PACRG: variants seen among roughly 807,000 people sequenced by gnomAD.
The protein encoded by PACRG is parkin coregulated.
Under a neutral mutation model 29.7 loss-of-function variants are expected in PACRG, and 29 were observed. The ratio of observed to expected loss-of-function variants is 0.98; its 90% CI spans 0.73 to 1.33. The LOEUF is 1.33. PACRG is among the 40% of genes most tolerant of loss of function. The pLI is 0.00. For missense variants in PACRG, 279 were observed against 316.2 expected (o/e 0.88, Z 0.89); for synonymous variants, 116 against 118.7 (o/e 0.98, Z 0.15).
At chr6:162,911,819 C>T (rs9458668) in intron 2 of PACRG, among the ~76,000 whole-genome samples, 29,376 of 152,102 alleles carry the variant, frequency 0.19, 2,989 homozygotes, top group Non-Finnish European at 0.23. Flanking sequence ...GAGCTTTGGA[C>T]ACTGCTAGGC....
chr6:162,847,628 A>G (rs906001408), intron 2 of PACRG, among the ~76,000 whole-genome samples: 1 of 151,744 alleles, frequency 6.6e-6, no homozygotes, highest in African/African-American at 2.4e-5. Flanking sequence ...GTGGTCCCCA[A>G]GGTAAAAAGG....
At chr6:163,247,888 G>T (rs1287717479) in intron 4 of PACRG, among the ~76,000 whole-genome samples, 2 of 152,114 alleles carry the variant, frequency 1.3e-5, no homozygotes, top group African/African-American at 4.8e-5. Flanking sequence ...CTGTGAAGTT[G>T]GTTTTTATTC....
intron 2 of PACRG, among the ~76,000 whole-genome samples, chr6:162,951,332 T>C (rs144415146): frequency 2.0e-5 from 3 of 152,358 alleles, no homozygotes; most frequent in Non-Finnish European, 2.9e-5. Context: ...AGCTGAGCTA[T>C]GACTGATCAA....
chr6:163,048,510 T>C (rs1312569404), intron 2 of PACRG, among the ~76,000 whole-genome samples: 1 of 152,178 alleles, frequency 6.6e-6, no homozygotes, highest in Admixed American at 6.5e-5. Flanking sequence ...GATTGAACTC[T>C]ATGGTTTCAG....
chr6:162,867,120 G>A (rs554684614), intron 2 of PACRG, among the ~76,000 whole-genome samples: 3 of 152,204 alleles, frequency 2.0e-5, no homozygotes, highest in Non-Finnish European at 2.9e-5. Flanking sequence ...AGTTACCTTT[G>A]CCAGCGGCTC....
chr6:163,012,822 G>T (rs983244239), intron 2 of PACRG, among the ~76,000 whole-genome samples: 2 of 152,178 alleles, frequency 1.3e-5, no homozygotes, highest in African/African-American at 4.8e-5. Context: ...GCACCCTTTT[G>T]AACGCACAAC....
At chr6:162,942,756 A>G (rs186475853) in intron 2 of PACRG, among the ~76,000 whole-genome samples, 1 of 152,286 alleles carries the variant, frequency 6.6e-6, no homozygotes, top group African/African-American at 2.4e-5. Context: ...ATGACTTGTA[A>G]TATTTGATTG....
intron 2 of PACRG, among the ~76,000 whole-genome samples, chr6:162,877,098 G>T (rs528846861): frequency 6.6e-6 from 1 of 152,182 alleles, no homozygotes; most frequent in Admixed American, 6.5e-5. Context: ...ATATACACAA[G>T]AATTATAAAT....
intron 2 of PACRG, among the ~76,000 whole-genome samples, chr6:162,986,985 C>T (rs1802958724): frequency 6.6e-6 from 1 of 151,754 alleles, no homozygotes; most frequent in African/African-American, 2.4e-5. Context: ...CTTTGAGTAG[C>T]TTAATAATAA....
At chr6:163,076,347 C>T (rs74915112) in intron 3 of PACRG, among the ~76,000 whole-genome samples, 1 of 152,068 alleles carries the variant, frequency 6.6e-6, no homozygotes, top group Non-Finnish European at 1.5e-5. Flanking sequence ...CAGTTTACAC[C>T]CTCTGCGAGG....
At chr6:163,110,276 A>G (rs979375444) in intron 4 of PACRG, among the ~76,000 whole-genome samples, 2 of 152,196 alleles carry the variant, frequency 1.3e-5, no homozygotes, top group East Asian at 1.9e-4. Flanking sequence ...TCTGACACAC[A>G]TGCCATAGAA....
chr6:163,053,100 A>G (rs755872151), intron 2 of PACRG, among the ~76,000 whole-genome samples: 5 of 152,128 alleles, frequency 3.3e-5, no homozygotes, highest in Non-Finnish European at 7.4e-5. Context: ...AGATTCCTAA[A>G]TTTGAAAACT....
At chr6:162,819,587 G>T (rs1411891787) in intron 2 of PACRG, among the ~76,000 whole-genome samples, 3 of 152,126 alleles carry the variant, frequency 2.0e-5, no homozygotes, top group African/African-American at 7.2e-5. Flanking sequence ...ATCCTATAAG[G>T]CGAGATCTTT....
intron 1 of PACRG, among the ~76,000 whole-genome samples, chr6:162,741,481 T>TTGTGAGGACACATG (rs1780593231): frequency 1.3e-5 from 2 of 152,176 alleles, no homozygotes; most frequent in African/African-American, 4.8e-5. Flanking sequence ...TCACATGGCT[T>TTGTGAGGACACATG]TCCTCCATAC....
At chr6:163,255,605 G>C (rs1438298741) in intron 4 of PACRG, among the ~76,000 whole-genome samples, 3 of 151,900 alleles carry the variant, frequency 2.0e-5, no homozygotes, top group Non-Finnish European at 4.4e-5. Flanking sequence ...AACAACAACA[G>C]GTCCTGATTC....
At chr6:163,056,737 T>G (rs1335004460) in intron 2 of PACRG, among the ~76,000 whole-genome samples, 1 of 152,154 alleles carries the variant, frequency 6.6e-6, no homozygotes, top group African/African-American at 2.4e-5. Context: ...CTCAGAGGCA[T>G]TCCCGGAACT....
At chr6:162,984,439 G>T (rs1177590355) in intron 2 of PACRG, among the ~76,000 whole-genome samples, 2 of 151,986 alleles carry the variant, frequency 1.3e-5, no homozygotes, top group Non-Finnish European at 2.9e-5. Context: ...CATATGGGCT[G>T]GTTCCATATT....
intron 4 of PACRG, among the ~76,000 whole-genome samples, chr6:163,174,207 T>C (rs933050603): frequency 1.8e-4 from 28 of 152,262 alleles, no homozygotes; most frequent in Middle Eastern, 3.4e-3. Flanking sequence ...ACATTAATGA[T>C]AGCTGATGAG....
intron 2 of PACRG, among the ~76,000 whole-genome samples, chr6:163,060,600 C>G (rs2128261196): frequency 1.3e-5 from 2 of 152,314 alleles, no homozygotes; most frequent in East Asian, 3.9e-4. Context: ...GACATTGCCT[C>G]TTCCCTGCTT....
Sources: gnomAD v4.1 joint callset for allele counts (sites outside exome capture counted in the v4.1 genomes callset) on GRCh38, gnomAD v4.1.1 for gene constraint, MANE v1.5 for transcripts, NCBI Gene and HGNC (gene_info 2026-07-23, HGNC 2026-07-21) for gene names.